Variants in PTCSC3 observed in about 807,000 individuals in gnomAD.
The protein encoded by PTCSC3 is papillary thyroid carcinoma susceptibility candidate 3 (non-protein coding).
At chr14:36,159,755 A>G (rs1881913030) in intron 2 of PTCSC3, among the ~76,000 whole-genome samples, 1 of 152,182 alleles carries the variant, frequency 6.6e-6, no homozygotes, top group South Asian at 2.1e-4. Flanking sequence ...GATGTCTGTT[A>G]GTTCTGCTTG....
intron 2 of PTCSC3, among the ~76,000 whole-genome samples, chr14:36,158,834 G>T (rs997183077): frequency 1.3e-5 from 2 of 152,146 alleles, no homozygotes; most frequent in Non-Finnish European, 2.9e-5. Context: ...AACAGTACAA[G>T]CACCTCCTTG....
chr14:36,136,395 A>G (rs1594441480), intron 3 of PTCSC3: 2 of 152,366 alleles, frequency 1.3e-5, no homozygotes, highest in East Asian at 3.9e-4. Context: ...ACCATTAGAC[A>G]TTTAATTTTG....
At chr14:36,160,862 A>G (rs995177231) in intron 2 of PTCSC3, among the ~76,000 whole-genome samples, 3 of 152,158 alleles carry the variant, frequency 2.0e-5, no homozygotes, top group Non-Finnish European at 4.4e-5. Flanking sequence ...AGGTATGCCA[A>G]TCAGACATAG....
chr14:36,165,310 C>G (rs1882064643), intron 1 of PTCSC3: 1 of 152,038 alleles, frequency 6.6e-6, no homozygotes, highest in Non-Finnish European at 1.5e-5. Context: ...GTGTGCTTGC[C>G]CCATCAAGCC....
At chr14:36,172,316 T>C (rs1882206925) in intron 1 of PTCSC3, among the ~76,000 whole-genome samples, 1 of 152,188 alleles carries the variant, frequency 6.6e-6, no homozygotes, top group Admixed American at 6.5e-5. Context: ...ACTAAAAATA[T>C]AGGATTTTAA....
At chr14:36,168,096 G>T (rs1882127505) in intron 1 of PTCSC3, among the ~76,000 whole-genome samples, 1 of 151,898 alleles carries the variant, frequency 6.6e-6, no homozygotes, top group African/African-American at 2.4e-5. Flanking sequence ...CAATAATATT[G>T]TTGCTCCTGA....
At chr14:36,139,903 A>G (rs1331709131) in intron 3 of PTCSC3, among the ~76,000 whole-genome samples, 1 of 152,176 alleles carries the variant, frequency 6.6e-6, no homozygotes, top group Non-Finnish European at 1.5e-5. Flanking sequence ...GTTTTGACAA[A>G]TGCATAATAT....
intron 3 of PTCSC3, among the ~76,000 whole-genome samples, chr14:36,148,733 A>G (rs2415320): frequency 0.61 from 92,411 of 152,042 alleles, 28,922 homozygotes; most frequent in Middle Eastern, 0.7. Flanking sequence ...CAGATGGTCT[A>G]TTTCTCCTTG....
At chr14:36,148,960 G>A (rs1350502577) in intron 3 of PTCSC3, among the ~76,000 whole-genome samples, 1 of 151,826 alleles carries the variant, frequency 6.6e-6, no homozygotes, top group East Asian at 1.9e-4. Flanking sequence ...TTTTGGTTTT[G>A]TTGATTTTCT....
At chr14:36,142,737 A>G (rs1036156819) in intron 3 of PTCSC3, among the ~76,000 whole-genome samples, 22 of 151,286 alleles carry the variant, frequency 1.5e-4, no homozygotes, top group Non-Finnish European at 2.5e-4. Context: ...TACATGTGCC[A>G]TGCTGGTGCG....
intron 3 of PTCSC3, among the ~76,000 whole-genome samples, chr14:36,141,741 AATTTAT>A: frequency 6.6e-6 from 1 of 152,248 alleles, no homozygotes; most frequent in South Asian, 2.1e-4. Flanking sequence ...AAGCCAGATT[AATTTAT>A]ATTTATACAT....
At chr14:36,167,036 C>G (rs1293215057) in intron 1 of PTCSC3, among the ~76,000 whole-genome samples, 1 of 152,206 alleles carries the variant, frequency 6.6e-6, no homozygotes, top group Non-Finnish European at 1.5e-5. Flanking sequence ...ATCTTTCTCT[C>G]TCTGGGATAG....
chr14:36,157,675 G>T (rs967642466), intron 2 of PTCSC3, among the ~76,000 whole-genome samples: 1 of 151,864 alleles, frequency 6.6e-6, no homozygotes, highest in Admixed American at 6.6e-5. Context: ...TTGTTTTGAT[G>T]AAGTCAGGTA....
chr14:36,176,456 T>G (rs1384554099), exon 1 of PTCSC3: 1 of 151,902 alleles, frequency 6.6e-6, no homozygotes, highest in Non-Finnish European at 1.5e-5. Context: ...CCAGATCACT[T>G]TTTTCCTCTT....
intron 1 of PTCSC3, among the ~76,000 whole-genome samples, chr14:36,169,897 A>C (rs972986237): frequency 5.3e-5 from 8 of 152,156 alleles, no homozygotes; most frequent in African/African-American, 1.9e-4. Context: ...AAGCGGATGA[A>C]TTAGATTTAC....
chr14:36,147,517 C>T (rs1881604692), intron 3 of PTCSC3, among the ~76,000 whole-genome samples: 2 of 152,176 alleles, frequency 1.3e-5, no homozygotes, highest in African/African-American at 4.8e-5. Flanking sequence ...GCTCCATCAG[C>T]TCCTTTAAGC....
At chr14:36,153,844 G>C (rs1346392659) in exon 3 of PTCSC3, 1 of 152,158 alleles carries the variant, frequency 6.6e-6, no homozygotes, top group Non-Finnish European at 1.5e-5. Context: ...TGGGAAGATT[G>C]TTCAAGCCCT....
chr14:36,170,181 A>G (rs986938369), intron 1 of PTCSC3, among the ~76,000 whole-genome samples: 9 of 151,790 alleles, frequency 5.9e-5, no homozygotes, highest in Admixed American at 2.6e-4. Flanking sequence ...TTATAATTAA[A>G]AATATTTATA....
chr14:36,146,509 T>G (rs1208475720), intron 3 of PTCSC3, among the ~76,000 whole-genome samples: 7 of 151,798 alleles, frequency 4.6e-5, no homozygotes, highest in African/African-American at 7.3e-5. Context: ...GTTTTCCATT[T>G]GCTTGGTAGA....
Sources: allele counts gnomAD v4.1 joint callset (sites outside exome capture counted in the v4.1 genomes callset), GRCh38; gene constraint gnomAD v4.1.1; transcripts MANE v1.5; gene names NCBI Gene and HGNC (gene_info 2026-07-23, HGNC 2026-07-21).